RSRC1: variants seen among roughly 807,000 people sequenced by gnomAD.
RSRC1 encodes serine/Arginine-related protein 53.
A neutral mutation model predicts 49.1 loss-of-function variants in RSRC1; 39 were observed. The observed-to-expected ratio is 0.79, with a 90% CI of 0.61 to 1.04. The LOEUF (loss-of-function observed/expected upper bound fraction) is 1.04. Ranked by LOEUF, RSRC1 falls within the 50% of genes least tolerant of loss-of-function variation. The pLI is 0.00. For synonymous variants in RSRC1, 143 were observed against 130.8 expected (o/e 1.09, Z -0.63); for missense variants, 388 against 402.4 (o/e 0.96, Z 0.31).
At chr3:158,167,773 G>A (rs1034855411) in intron 3 of RSRC1, among the ~76,000 whole-genome samples, 9 of 152,148 alleles carry the variant, frequency 5.9e-5, no homozygotes, top group African/African-American at 2.2e-4. Flanking sequence ...TAACTAGAAG[G>A]AAAATGTTAC....
At chr3:158,148,824 C>T (rs1419589840) in intron 3 of RSRC1, among the ~76,000 whole-genome samples, 1 of 150,462 alleles carries the variant, frequency 6.6e-6, no homozygotes, top group African/African-American at 2.4e-5. Context: ...ACTCTTATTG[C>T]CCAGGCTAGA....
intron 3 of RSRC1, among the ~76,000 whole-genome samples, chr3:158,185,468 GT>G (rs1306559213): frequency 6.6e-6 from 1 of 151,732 alleles, no homozygotes; most frequent in Admixed American, 6.6e-5. Context: ...AAGTCCTATT[GT>G]TTTTTACGCA....
rs1434736824 is a variant in RSRC1 at position 158,376,079 on chromosome 3, C to T, written c.583+21171C>T. ...AGTTCCCTCCCTCCCTCCCTCTCGA[C>T]CCCCCTTCCTTCCTTCCTTTGTAGT... On this transcript the variant is annotated intron_variant, in intron 6 of 9. Coordinates refer to ENST00000611884, the MANE Select transcript of RSRC1 (RefSeq NM_001271838.2). Among the ~76,000 whole-genome samples, 7 of 145,172 alleles carry T rather than the reference C, an allele frequency of 4.8e-5. 1 individual carries two copies. Among genetic ancestry groups the T allele is most frequent in the Non-Finnish European group, 1.1e-4 (7 of 66,398 alleles).
intron 6 of RSRC1, among the ~76,000 whole-genome samples, chr3:158,368,360 C>T (rs1021094723): frequency 5.3e-5 from 8 of 152,212 alleles, no homozygotes; most frequent in African/African-American, 1.9e-4. Context: ...TCCTGGCAGG[C>T]CTTGCAGGCC....
chr3:158,122,350 A>C lies in RSRC1; in HGVS notation c.194+52A>C, dbSNP rs767347132. 4.8e-6 allele frequency: 6 copies of C among 1,245,102 alleles called. 1 individual carries two copies. The African/African-American group carries it at 8.0e-5, about 17-fold the overall frequency. The allele number at this position is 1,245,102 out of a possible 1,614,324, so 77.1% of individuals were successfully genotyped here. On this transcript the variant is annotated intron_variant, in intron 2 of 9. Transcript: ENST00000611884. The stretch of plus-strand genomic sequence containing the variant: ...AGTAATGAGGATAACATTCTTTAAA[A>C]TTCATGTTTTTGTATTTTTAATTTT...
chr3:158,119,636 CACAT>C (rs1352625391), intron 1 of RSRC1, among the ~76,000 whole-genome samples: 1 of 151,420 alleles, frequency 6.6e-6, no homozygotes, highest in Non-Finnish European at 1.5e-5. Flanking sequence ...ATAATATACA[CACAT>C]ACATATGTGG....
intron 4 of RSRC1, among the ~76,000 whole-genome samples, chr3:158,273,667 G>A (rs1474877926): frequency 6.6e-6 from 1 of 152,052 alleles, no homozygotes; most frequent in African/African-American, 2.4e-5. Context: ...TGTTTATAAG[G>A]TCTGATTAAT....
chr3:158,144,997 A>G (rs1031326007), intron 3 of RSRC1, among the ~76,000 whole-genome samples: 1 of 151,982 alleles, frequency 6.6e-6, no homozygotes, highest in Non-Finnish European at 1.5e-5. Flanking sequence ...TTTCTTGTAA[A>G]TTTGTTTGAG....
At chr3:158,491,545 G>C (rs1237504039) in intron 7 of RSRC1, among the ~76,000 whole-genome samples, 1 of 151,990 alleles carries the variant, frequency 6.6e-6, no homozygotes, top group Non-Finnish European at 1.5e-5. Context: ...CGGTATAATT[G>C]GCTTTGTTAT....
chr3:158,450,940 C>T (rs1349556258), intron 6 of RSRC1, among the ~76,000 whole-genome samples: 3 of 151,654 alleles, frequency 2.0e-5, no homozygotes, highest in Admixed American at 6.6e-5. Context: ...AAGTTCACAT[C>T]CAGAAAGTCT....
intron 6 of RSRC1, among the ~76,000 whole-genome samples, chr3:158,413,911 G>T (rs1346507770): frequency 6.6e-6 from 1 of 152,284 alleles, no homozygotes; most frequent in East Asian, 1.9e-4. Flanking sequence ...TTCAACCATT[G>T]TGGAAGTCAG....
At chr3:158,206,279 G>A (rs1052261924) in intron 4 of RSRC1, among the ~76,000 whole-genome samples, 5 of 152,128 alleles carry the variant, frequency 3.3e-5, no homozygotes, top group African/African-American at 1.2e-4. Flanking sequence ...CTTCAAGCTG[G>A]TTGATCTTAA....
chr3:158,214,397 A>C (rs1171588906), intron 4 of RSRC1, among the ~76,000 whole-genome samples: 1 of 151,370 alleles, frequency 6.6e-6, no homozygotes, highest in African/African-American at 2.4e-5. Context: ...GGGTTCATTG[A>C]TATCTTTTGT....
intron 6 of RSRC1, among the ~76,000 whole-genome samples, chr3:158,437,215 G>A (rs1484796318): frequency 6.6e-6 from 1 of 151,700 alleles, no homozygotes; most frequent in Non-Finnish European, 1.5e-5. Context: ...GTATAAATAA[G>A]TAATATTTTG....
chr3:158,444,021 G>A (rs148206955), intron 6 of RSRC1, among the ~76,000 whole-genome samples: 8 of 152,156 alleles, frequency 5.3e-5, no homozygotes, highest in Admixed American at 1.3e-4. Flanking sequence ...CTGGTTTGTG[G>A]CATCCCAAAA....
intron 7 of RSRC1, among the ~76,000 whole-genome samples, chr3:158,488,072 A>G (rs534208814): frequency 9.9e-5 from 15 of 152,056 alleles, no homozygotes; most frequent in African/African-American, 3.6e-4. Flanking sequence ...CTTGATGGCA[A>G]AGAGATTATT....
At chr3:158,179,598 T>C (rs1490876073) in intron 3 of RSRC1, among the ~76,000 whole-genome samples, 1 of 152,222 alleles carries the variant, frequency 6.6e-6, no homozygotes, top group Non-Finnish European at 1.5e-5. Flanking sequence ...TATTGCTAAG[T>C]AGTATCTCAC....
rs564633575 is a variant in RSRC1, at chr3:158,316,438, A to ATTTTTTTTTTT, written c.531+18379_531+18389dup. Among the ~76,000 whole-genome samples, 15 of 72,240 alleles carry ATTTTTTTTTTT rather than the reference A, an allele frequency of 2.1e-4. 2 individuals carry two copies. The highest frequency in any genetic ancestry group is 5.7e-4 in the African/African-American group (9 of 15,694). The allele number at this position is 72,240 out of a possible 152,430, so 47.4% of individuals were successfully genotyped here. A position where few individuals can be genotyped will look rare whatever the true frequency, so the allele number is the denominator to read the frequency against. Reference sequence around the variant, plus strand: ...TAATCAGTCCACTGCAGAATCTCTCATTTTTTTTTTTTTTTTTTTTTTTTT... The same window carrying ATTTTTTTTTTT: ...TAATCAGTCCACTGCAGAATCTCTCATTTTTTTTTTTTTTTTTTTTTTTTTTTTTTTTTTTT... On this transcript the variant is annotated intron_variant, in intron 5 of 9. Transcript: ENST00000611884.
chr3:158,113,612 C>T (rs1040556926), intron 1 of RSRC1, among the ~76,000 whole-genome samples: 3 of 152,024 alleles, frequency 2.0e-5, no homozygotes, highest in Non-Finnish European at 2.9e-5. Flanking sequence ...CGTGATCCAC[C>T]CCCCTCAGCC....
Sources: gnomAD v4.1 joint callset for allele counts (sites outside exome capture counted in the v4.1 genomes callset) on GRCh38, gnomAD v4.1.1 for gene constraint, MANE v1.5 for transcripts, NCBI Gene and HGNC (gene_info 2026-07-23, HGNC 2026-07-21) for gene names.